The following AKAP13 variants were observed in gnomAD, a reference collection of about 807,000 sequenced individuals.
AKAP13 encodes A-kinase anchoring protein 13, also known as A-kinase anchor protein 13.
In AKAP13, 80 loss-of-function variants were observed where a neutral mutation model predicts 264.5. The observed-to-expected ratio is 0.30, with a 90% CI of 0.25 to 0.36. The LOEUF (loss-of-function observed/expected upper bound fraction) is 0.36. Ranked by LOEUF, AKAP13 falls within the 10% of genes least tolerant of loss-of-function variation. The pLI, the probability that AKAP13 is intolerant of heterozygous loss-of-function variation, is 1.00. For missense variants in AKAP13, 3,712 were observed against 3,435.2 expected (o/e 1.08, Z -2.01); for synonymous variants, 1,380 against 1,250.2 (o/e 1.10, Z -2.19).
At chr15:85,665,867 T>C (rs191841247) in intron 13 of AKAP13, among the ~76,000 whole-genome samples, 1 of 152,358 alleles carries the variant, frequency 6.6e-6, no homozygotes, top group Admixed American at 6.5e-5. Flanking sequence ...ACTCATCCTT[T>C]TTTATGGCTA....
In AKAP13 at chr15:85,533,606, G is replaced by A. The variant is rs374049813; in HGVS notation, c.204G>A (p.Val68=). 1 of 1,611,484 alleles carries A rather than the reference G, an allele frequency of 6.2e-7. No homozygotes were observed. The highest frequency in any genetic ancestry group is 1.7e-5 in the Admixed American group (1 of 59,516). Residue 68 remains valine (V), a synonymous_variant, in exon 4 of 37, where the codon GTG becomes GTA. Transcript: ENST00000394518. ...TAGGTCATGATTGTTGTGAAACAGT[G>A]AAGGTGCAGCTCTGTGCTTCCAAAG... ...IAPGHDCCET[V]KVQLCASKEG...
chr15:85,693,060 C>A, intron 16 of AKAP13: 1 of 695,414 alleles, frequency 1.4e-6, no homozygotes, highest in Non-Finnish European at 2.1e-6. Flanking sequence ...AGAACTGTTC[C>A]GCCTGCCCAG....
Position 85,587,503 on chromosome 15 carries a change from G to A in AKAP13, c.4161+1680G>A, listed in dbSNP as rs149658529. Among the ~76,000 whole-genome samples the A allele has an allele frequency of 6.3e-3, 964 of 152,246 alleles. 12 individuals are homozygous for A. The highest frequency in any genetic ancestry group is 0.022 in the African/African-American group (905 of 41,536). On this transcript the variant is annotated intron_variant, in intron 8 of 36. Coordinates refer to ENST00000394518, the MANE Select transcript of AKAP13 (RefSeq NM_007200.5). ...GAATAATGCTGTTATGTACATTTGT[G>A]TACAAAATTATGTGGACATGTTTTT...
chr15:85,483,506 G>C (rs1287508205), intron 1 of AKAP13, among the ~76,000 whole-genome samples: 1 of 149,214 alleles, frequency 6.7e-6, no homozygotes, highest in African/African-American at 2.6e-5. Flanking sequence ...GGCGCCTGTA[G>C]TCCCAGCTAC....
chr15:85,639,918 C>T (rs2082232422), intron 9 of AKAP13, among the ~76,000 whole-genome samples: 1 of 152,174 alleles, frequency 6.6e-6, no homozygotes, highest in Non-Finnish European at 1.5e-5. Flanking sequence ...GATTACCCTG[C>T]TGTGTACCCA....
intron 9 of AKAP13, among the ~76,000 whole-genome samples, chr15:85,641,168 C>T (rs1301604722): frequency 2.0e-5 from 3 of 151,940 alleles, no homozygotes; most frequent in Admixed American, 6.6e-5. Context: ...GTCTTTTGGC[C>T]GGGCGAGGTG....
intron 8 of AKAP13, among the ~76,000 whole-genome samples, chr15:85,597,432 TA>T (rs1291318448): frequency 6.6e-6 from 1 of 152,184 alleles, no homozygotes; most frequent in Non-Finnish European, 1.5e-5. Context: ...TGGAGATTCT[TA>T]AATAGGAAAT....
intron 1 of AKAP13, among the ~76,000 whole-genome samples, chr15:85,413,998 T>TCATTCCA (rs1195906044): frequency 6.6e-6 from 1 of 152,186 alleles, no homozygotes; most frequent in Non-Finnish European, 1.5e-5. Context: ...CTCCAACCTT[T>TCATTCCA]TTTACCACCT....
At chr15:85,496,020 C>T (rs775649946) in intron 2 of AKAP13, among the ~76,000 whole-genome samples, 1 of 152,158 alleles carries the variant, frequency 6.6e-6, no homozygotes, top group Non-Finnish European at 1.5e-5. Context: ...AGTTAGGGTG[C>T]TATTATTGGT....
intron 1 of AKAP13, among the ~76,000 whole-genome samples, chr15:85,414,137 C>T (rs934129874): frequency 1.9e-4 from 29 of 152,172 alleles, no homozygotes; most frequent in African/African-American, 6.8e-4. Context: ...GATGTTCATA[C>T]TGTCTCTTGA....
At chr15:85,719,721 G>A (rs2087164254) in intron 23 of AKAP13, among the ~76,000 whole-genome samples, 1 of 151,930 alleles carries the variant, frequency 6.6e-6, no homozygotes, top group Admixed American at 6.6e-5. Flanking sequence ...GATCACTTGA[G>A]GTCAGGAGTT....
chr15:85,562,711 T>G (rs2078442022), intron 5 of AKAP13, among the ~76,000 whole-genome samples: 1 of 74,586 alleles, frequency 1.3e-5, no homozygotes, highest in Non-Finnish European at 2.9e-5. Context: ...TTTTTTTTTT[T>G]TGAGACTGAA....
At chr15:85,497,003 G>C (rs1448585466) in intron 2 of AKAP13, among the ~76,000 whole-genome samples, 4 of 152,170 alleles carry the variant, frequency 2.6e-5, no homozygotes, top group Non-Finnish European at 5.9e-5. Flanking sequence ...TTTTTCCTTG[G>C]CATTTTTAGA....
chr15:85,511,183 T>C (rs2076405070), intron 2 of AKAP13, among the ~76,000 whole-genome samples: 1 of 152,254 alleles, frequency 6.6e-6, no homozygotes, highest in Non-Finnish European at 1.5e-5. Flanking sequence ...CTTTTGGCTT[T>C]GCTGATCCTC....
At chr15:85,494,245 A>C (rs117079918) in intron 2 of AKAP13, among the ~76,000 whole-genome samples, 3 of 152,164 alleles carry the variant, frequency 2.0e-5, no homozygotes, top group Non-Finnish European at 4.4e-5. Context: ...CAACCTAGCA[A>C]CTAGACTCCA....
rs529796915 is a variant in AKAP13, at chr15:85,741,247, G to C, written c.7810G>C (p.Glu2604Gln). The change falls in exon 35 of 37, where the codon GAG (glutamate) becomes CAG (glutamine). Residue 2604 changes from glutamate (E) to glutamine (Q), a missense_variant. By Grantham distance (29) the Glu-to-Gln change is conservative. This residue lies in a region of AKAP13 where 611 missense variants were observed against 539.3 expected (regional missense o/e 1.13). Coordinates refer to ENST00000394518, the MANE Select transcript of AKAP13 (RefSeq NM_007200.5). ...YLEEKRRREREWEARERELRE... is the reference protein window; with the variant it reads ...YLEEKRRRERQWEARERELRE... ...CGAGGAGAAGCGCAGGCGCGAGCGTGAGTGGGAAGCTCGTGAGAGGGAGCT... is the reference window on the plus strand; with the variant it reads ...CGAGGAGAAGCGCAGGCGCGAGCGTCAGTGGGAAGCTCGTGAGAGGGAGCT... 12 of 1,609,662 alleles carry C rather than the reference G, an allele frequency of 7.5e-6. No homozygotes were observed. The South Asian group carries it at 1.3e-4, about 18-fold the overall frequency.
chr15:85,611,498 T>A (rs2080621425), intron 8 of AKAP13, among the ~76,000 whole-genome samples: 1 of 152,164 alleles, frequency 6.6e-6, no homozygotes, highest in Non-Finnish European at 1.5e-5. Context: ...ATGTTAAATA[T>A]TTTTGGACTC....
chr15:85,673,410 A>G (rs1008766729), intron 14 of AKAP13, among the ~76,000 whole-genome samples: 2 of 151,982 alleles, frequency 1.3e-5, no homozygotes, highest in African/African-American at 2.4e-5. Flanking sequence ...CTTGCCGGCA[A>G]TTTTTTAGGG....
chr15:85,491,327 G>C (rs1231597211), intron 2 of AKAP13, among the ~76,000 whole-genome samples: 1 of 151,832 alleles, frequency 6.6e-6, no homozygotes, highest in African/African-American at 2.4e-5. Context: ...TCCTAATGTG[G>C]ATCTGCTGAC....
Sources: allele counts gnomAD v4.1 joint callset (sites outside exome capture counted in the v4.1 genomes callset), GRCh38; gene constraint gnomAD v4.1.1; regional missense constraint gnomAD v4.1.1; transcripts MANE v1.5; gene names NCBI Gene and HGNC (gene_info 2026-07-23, HGNC 2026-07-21).